The following TMTC3 variants were observed in gnomAD, a reference collection of about 807,000 sequenced individuals.
The protein encoded by TMTC3 is transmembrane O-mannosyltransferase targeting cadherins 3.
TMTC3 carries 52 observed loss-of-function variants against 92.2 expected under a neutral mutation model. The observed-to-expected ratio is 0.56, with a 90% CI of 0.45 to 0.71. The LOEUF (loss-of-function observed/expected upper bound fraction) is 0.71, where lower values mean the gene tolerates loss of function less well. Ranked by LOEUF, TMTC3 falls within the 30% of genes least tolerant of loss-of-function variation. The probability of loss-of-function intolerance (pLI) is 0.00; values close to 1 mark genes in which losing one functional copy is unlikely to be tolerated. For missense variants in TMTC3, 896 were observed against 1,057.1 expected, an observed-to-expected ratio of 0.85 and a Z score of 2.11; for synonymous variants, 339 against 363.3, an observed-to-expected ratio of 0.93 and a Z score of 0.76.
At chr12:88,158,495 T>C (rs1300479715) in intron 4 of TMTC3, among the ~76,000 whole-genome samples, 1 of 152,168 alleles carries the variant, frequency 6.6e-6, no homozygotes, top group East Asian at 1.9e-4. Context: ...ATAAGATTTT[T>C]TTTTTTAAGG....
chr12:88,149,699 G>A (rs1239630704), intron 2 of TMTC3, among the ~76,000 whole-genome samples: 1 of 152,014 alleles, frequency 6.6e-6, no homozygotes, highest in Non-Finnish European at 1.5e-5. Context: ...CCCAAATTTG[G>A]AAGCCTCTCA....
intron 12 of TMTC3, among the ~76,000 whole-genome samples, chr12:88,192,149 A>C (rs995813989): frequency 9.3e-5 from 14 of 150,754 alleles, no homozygotes; most frequent in African/African-American, 3.2e-4. Flanking sequence ...TCTATTATAC[A>C]TTCAAATATT....
chr12:88,187,299 A>G (rs1354682483), intron 10 of TMTC3, among the ~76,000 whole-genome samples: 4 of 152,164 alleles, frequency 2.6e-5, no homozygotes, highest in East Asian at 3.9e-4. Context: ...TCTAATCACT[A>G]TACTGCATAT....
At chr12:88,177,423 T>C (rs1003488860) in intron 10 of TMTC3, among the ~76,000 whole-genome samples, 3 of 152,040 alleles carry the variant, frequency 2.0e-5, no homozygotes, top group Non-Finnish European at 4.4e-5. Flanking sequence ...AGGATTAAAG[T>C]TTTTTCAGTT....
At position 88,192,604 on chromosome 12, in the gene TMTC3, A is replaced by G. The variant is rs1295496575; in HGVS notation, c.1707A>G (p.Arg569=). The change falls in exon 13 of 14, where the codon AGA becomes AGG. Residue 569 remains arginine (R), a splice_region_variant and synonymous_variant. Transcript: ENST00000266712. ...RPDFKQAYIS[R]GELLLKMNKP... ...AAGCTTGTGTTTGATTTTTCCACAG[A>G]GGAGAATTGCTTTTAAAAATGAATA... The G allele has an allele frequency of 2.5e-6, 4 of 1,596,756 alleles. No individual in the cohort carries two copies. In the African/African-American group the frequency reaches 5.4e-5, roughly 21 times the overall value.
At chr12:88,158,199 T>C (rs1172283423) in intron 4 of TMTC3, among the ~76,000 whole-genome samples, 1 of 152,182 alleles carries the variant, frequency 6.6e-6, no homozygotes, top group Non-Finnish European at 1.5e-5. Flanking sequence ...ATATCTGCTT[T>C]CAATGCTATT....
Position 88,162,932 on chromosome 12 carries a change from A to T in TMTC3, c.797+2081A>T, listed in dbSNP as rs571082523. Among the ~76,000 whole-genome samples the T allele has an allele frequency of 3.5e-3, 389 of 109,608 alleles. 6 individuals carry two copies. Among genetic ancestry groups the T allele is most frequent in the Non-Finnish European group, 4.7e-3 (245 of 52,140 alleles). 71.9% of individuals were successfully genotyped at this position (109,608 alleles called of 152,430 possible). On this transcript the variant is annotated intron_variant, in intron 6 of 13. Transcript: ENST00000266712. ...TTTTTCTTTCTTCTTTTTTTTTTTGAGATTAGAGTTTCGCTTTTGTTGCCC... is the reference window on the plus strand; with the variant it reads ...TTTTTCTTTCTTCTTTTTTTTTTTGTGATTAGAGTTTCGCTTTTGTTGCCC...
chr12:88,170,345 T>C (rs1237447505), intron 7 of TMTC3, among the ~76,000 whole-genome samples: 1 of 152,198 alleles, frequency 6.6e-6, no homozygotes, highest in Non-Finnish European at 1.5e-5. Context: ...GGTATAATTT[T>C]TTTTTCAATG....
rs777196111 is a variant in TMTC3, at chr12:88,195,181, T to C, written c.2277T>C (p.Cys759=). 38 of 1,613,812 alleles carry C rather than the reference T, an allele frequency of 2.4e-5. No homozygotes were observed. The highest frequency in any genetic ancestry group is 3.2e-5 in the Non-Finnish European group (38 of 1,179,910). The change falls in exon 14 of 14, where the codon TGT becomes TGC. Residue 759 remains cysteine (C), a synonymous_variant. Transcript: ENST00000266712. ...AAGATATACTAGGAGCAAAAAAATG[T>C]TTTGAAAGGATTTTGGAGATGGATC... ...QKKDILGAKK[C]FERILEMDPS...
At chr12:88,142,773 G>C (rs7308977) in intron 1 of TMTC3, among the ~76,000 whole-genome samples, 10,569 of 152,278 alleles carry the variant, frequency 0.069, 1,250 homozygotes, top group African/African-American at 0.24. Flanking sequence ...GAATTGACAA[G>C]AGGTCTCGGC....
Position 88,196,295 on chromosome 12 carries a change from T to C in TMTC3, c.*646T>C, listed in dbSNP as rs570569402. On this transcript the variant is annotated 3_prime_UTR_variant, in exon 14 of 14. Transcript: ENST00000266712. ...TTTTAATCAGGTAAAGTTTGACACA[T>C]GTATAGCTACATACACACATTTTTA... 2 of 152,642 alleles carry C rather than the reference T, an allele frequency of 1.3e-5. No homozygotes were observed. Among genetic ancestry groups the C allele is most frequent in the African/African-American group, 4.8e-5 (2 of 41,586 alleles). The allele number at this position is 152,642 out of a possible 1,614,324, so 9.5% of individuals were successfully genotyped here.
intron 10 of TMTC3, among the ~76,000 whole-genome samples, chr12:88,185,538 T>C (rs2041367469): frequency 6.6e-6 from 1 of 152,172 alleles, no homozygotes; most frequent in Non-Finnish European, 1.5e-5. Context: ...AACATGGCTG[T>C]TACGAACATT....
rs534926324 is a variant in TMTC3, at chr12:88,166,183, A to G, written c.798-147A>G. 7.4e-5 allele frequency: 55 copies of G among 744,068 alleles called. No individual in the cohort carries two copies. The South Asian group carries it at 1.1e-3, about 15-fold the overall frequency. 46.1% of individuals were successfully genotyped at this position (744,068 alleles called of 1,614,324 possible). A position where few individuals can be genotyped will look rare whatever the true frequency, so the allele number is the denominator to read the frequency against. On this transcript the variant is annotated intron_variant, in intron 6 of 13. Coordinates refer to ENST00000266712, the MANE Select transcript of TMTC3 (RefSeq NM_181783.4). ...AGTTTTGATAGTTTGAACTCTAGCA[A>G]GAGTCTGAGGTACACATAACATTTG...
At chr12:88,162,919 C>CT (rs11394668) in intron 6 of TMTC3, among the ~76,000 whole-genome samples, 133,666 of 145,602 alleles carry the variant, frequency 0.92, 61,418 homozygotes, top group East Asian at 0.98. Context: ...TTTCTTTCTT[C>CT]TTTTTTTTTT....
intron 13 of TMTC3, among the ~76,000 whole-genome samples, chr12:88,194,350 A>C (rs1421127328): frequency 6.6e-6 from 1 of 152,188 alleles, no homozygotes; most frequent in Non-Finnish European, 1.5e-5. Context: ...AGTCATTCTG[A>C]AGCTTTTTTC....
intron 7 of TMTC3, among the ~76,000 whole-genome samples, 188 bp downstream of exon 7, chr12:88,166,770 G>A (rs1166232310): frequency 6.6e-6 from 1 of 152,084 alleles, no homozygotes; most frequent in Non-Finnish European, 1.5e-5. Context: ...TTTGACATAT[G>A]TTCAGCACAT....
intron 2 of TMTC3, among the ~76,000 whole-genome samples, chr12:88,151,245 G>A (rs2040939602): frequency 6.6e-6 from 1 of 152,106 alleles, no homozygotes; most frequent in South Asian, 2.1e-4. Context: ...GCTGTAATGA[G>A]CCACCTTCCT....
rs542607511 is a variant in TMTC3, at chr12:88,184,715, G to A, written c.1433-4128G>A. On this transcript the variant is annotated intron_variant, in intron 10 of 13. Coordinates refer to ENST00000266712, the MANE Select transcript of TMTC3 (RefSeq NM_181783.4). ...GAAATAAAACAAATTTCCTCCCTTC[G>A]TGGAGTTTCCATTCTAAATAAAGGC... Among the ~76,000 whole-genome samples the A allele has an allele frequency of 1.2e-3, 186 of 152,082 alleles. 1 individual carries two copies. Among genetic ancestry groups the A allele is most frequent in the Non-Finnish European group, 3.7e-4 (25 of 68,030 alleles).
intron 2 of TMTC3, 93 bp downstream of exon 2, chr12:88,148,597 C>A: frequency 1.1e-6 from 1 of 930,318 alleles, no homozygotes; most frequent in Non-Finnish European, 1.6e-6. Flanking sequence ...ACATTATCAT[C>A]ACAACAGTTA....
Sources: allele counts gnomAD v4.1 joint callset (sites outside exome capture counted in the v4.1 genomes callset), GRCh38; gene constraint gnomAD v4.1.1; transcripts MANE v1.5; gene names NCBI Gene and HGNC (gene_info 2026-07-23, HGNC 2026-07-21).